The following PLCB1 variants were observed in gnomAD, a reference collection of about 807,000 sequenced individuals.
PLCB1 encodes 1-phosphatidylinositol 4,5-bisphosphate phosphodiesterase beta-1.
PLCB1 carries 46 observed loss-of-function variants against 161.8 expected under a neutral mutation model. The ratio of observed to expected loss-of-function variants is 0.28; its 90% CI spans 0.22 to 0.36. The LOEUF (loss-of-function observed/expected upper bound fraction) is 0.36, where lower values mean the gene tolerates loss of function less well. Ranked by LOEUF, PLCB1 falls within the 10% of genes least tolerant of loss-of-function variation. The pLI, the probability that PLCB1 is intolerant of heterozygous loss-of-function variation, is 1.00. For synonymous variants in PLCB1, 517 were observed against 503.7 expected (o/e 1.03, Z -0.35); for missense variants, 1,016 against 1,472.5 (o/e 0.69, Z 5.07).
chr20:8,695,166 T>C (rs1411190722), intron 10 of PLCB1, among the ~76,000 whole-genome samples: 1 of 152,224 alleles, frequency 6.6e-6, no homozygotes, highest in East Asian at 1.9e-4. Flanking sequence ...AGAAAAGTTA[T>C]TATGCAGACC....
intron 10 of PLCB1, among the ~76,000 whole-genome samples, chr20:8,696,159 C>A (rs1990579248): frequency 1.3e-5 from 2 of 152,110 alleles, no homozygotes; most frequent in African/African-American, 4.8e-5. Flanking sequence ...ACACTTGATC[C>A]AATTTGAGTT....
chr20:8,307,493 A>G (rs1160079884), intron 2 of PLCB1, among the ~76,000 whole-genome samples: 1 of 152,094 alleles, frequency 6.6e-6, no homozygotes, highest in Non-Finnish European at 1.5e-5. Flanking sequence ...AATGTTAATG[A>G]GGTTTTGAAC....
chr20:8,375,943 C>CAAA (rs34790517), intron 3 of PLCB1, among the ~76,000 whole-genome samples: 19 of 93,038 alleles, frequency 2.0e-4, no homozygotes, highest in South Asian at 4.0e-4. Context: ...CCAAGTGAAC[C>CAAA]AAAAAAAAAA....
At chr20:8,585,963 A>G (rs6140644) in intron 3 of PLCB1, among the ~76,000 whole-genome samples, 37,968 of 152,078 alleles carry the variant, frequency 0.25, 5,478 homozygotes, top group African/African-American at 0.38. Flanking sequence ...CTCCTTCAGA[A>G]GAGTTTTGTT....
At chr20:8,264,314 T>C (rs180781936) in intron 2 of PLCB1, among the ~76,000 whole-genome samples, 64 of 152,266 alleles carry the variant, frequency 4.2e-4, no homozygotes, top group African/African-American at 1.3e-3. Flanking sequence ...CCTCATATGA[T>C]AGCAATGCCT....
chr20:8,252,881 A>G (rs1232783513), intron 2 of PLCB1, among the ~76,000 whole-genome samples: 1 of 152,008 alleles, frequency 6.6e-6, no homozygotes, highest in Non-Finnish European at 1.5e-5. Context: ...CTGTGGTGCC[A>G]TTATAGCTTT....
intron 3 of PLCB1, among the ~76,000 whole-genome samples, chr20:8,505,244 T>G (rs1983590967): frequency 6.6e-6 from 1 of 152,186 alleles, no homozygotes; most frequent in Non-Finnish European, 1.5e-5. Flanking sequence ...CCCCACACTC[T>G]CAACAATGAT....
chr20:8,471,717 T>G (rs1283890915), intron 3 of PLCB1, among the ~76,000 whole-genome samples: 1 of 152,154 alleles, frequency 6.6e-6, no homozygotes, highest in African/African-American at 2.4e-5. Context: ...TGTTATGTAT[T>G]TCAAAGAGCT....
intron 2 of PLCB1, among the ~76,000 whole-genome samples, chr20:8,170,328 A>C (rs1410981065): frequency 1.3e-5 from 2 of 152,142 alleles, no homozygotes; most frequent in Non-Finnish European, 2.9e-5. Flanking sequence ...TGATATTTAC[A>C]GAGCACATGT....
At chr20:8,536,857 C>T (rs769845852) in intron 3 of PLCB1, among the ~76,000 whole-genome samples, 3 of 152,092 alleles carry the variant, frequency 2.0e-5, no homozygotes, top group Non-Finnish European at 4.4e-5. Context: ...TCATACAGTG[C>T]GGCAAAGGAA....
intron 31 of PLCB1, among the ~76,000 whole-genome samples, chr20:8,813,286 A>G (rs1251446398): frequency 1.3e-5 from 2 of 152,182 alleles, no homozygotes; most frequent in Non-Finnish European, 2.9e-5. Context: ...TTTTTAGGCA[A>G]AGCCTTTAAA....
At chr20:8,701,898 C>G (rs796367905) in intron 11 of PLCB1, among the ~76,000 whole-genome samples, 29 of 152,294 alleles carry the variant, frequency 1.9e-4, no homozygotes, top group African/African-American at 6.7e-4. Context: ...CAACATTTGC[C>G]AGTTTTAGCT....
chr20:8,216,494 G>A (rs1979133931), intron 2 of PLCB1, among the ~76,000 whole-genome samples: 1 of 152,070 alleles, frequency 6.6e-6, no homozygotes, highest in South Asian at 2.1e-4. Context: ...GTTTAAAGAG[G>A]ACTTCTAAAA....
chr20:8,639,271 G>T (rs935285491), intron 4 of PLCB1, among the ~76,000 whole-genome samples: 1 of 152,204 alleles, frequency 6.6e-6, no homozygotes, highest in Non-Finnish European at 1.5e-5. Flanking sequence ...TGCTGAAGGA[G>T]CTATTTGGGA....
chr20:8,615,619 C>T (rs577022419), intron 3 of PLCB1, among the ~76,000 whole-genome samples: 1 of 152,178 alleles, frequency 6.6e-6, no homozygotes, highest in Non-Finnish European at 1.5e-5. Context: ...TCCTGGACAA[C>T]ATTTTGATAA....
intron 3 of PLCB1, among the ~76,000 whole-genome samples, chr20:8,616,562 G>A (rs1988044547): frequency 6.6e-6 from 1 of 152,080 alleles, no homozygotes; most frequent in African/African-American, 2.4e-5. Flanking sequence ...GCACCACCAG[G>A]GTGTAAGCAT....
chr20:8,373,423 A>T (rs978300275), intron 3 of PLCB1, among the ~76,000 whole-genome samples: 2 of 152,208 alleles, frequency 1.3e-5, no homozygotes, highest in Admixed American at 6.5e-5. Flanking sequence ...TGCTATAAGG[A>T]TTAAATGAAA....
intron 9 of PLCB1, among the ~76,000 whole-genome samples, chr20:8,661,241 A>C (rs1482720771): frequency 1.3e-5 from 2 of 152,082 alleles, no homozygotes; most frequent in Non-Finnish European, 2.9e-5. Flanking sequence ...CTTAATGTAG[A>C]CTTGTAGTTG....
At chr20:8,516,196 C>G (rs1332405408) in intron 3 of PLCB1, among the ~76,000 whole-genome samples, 2 of 152,174 alleles carry the variant, frequency 1.3e-5, no homozygotes, top group Non-Finnish European at 2.9e-5. Context: ...GTCTGGGACA[C>G]AGCCAAACCG....
Sources: allele counts gnomAD v4.1 joint callset (sites outside exome capture counted in the v4.1 genomes callset), GRCh38; gene constraint gnomAD v4.1.1; transcripts MANE v1.5; gene names NCBI Gene and HGNC (gene_info 2026-07-23, HGNC 2026-07-21).